The following ADGRL2 variants were observed in gnomAD, a reference collection of about 807,000 sequenced individuals.
ADGRL2 encodes the protein calcium-independent alpha-latrotoxin receptor 2.
Under a neutral mutation model 157.4 loss-of-function variants are expected in ADGRL2, and 44 were observed. That is an observed-to-expected ratio of 0.28 (90% CI 0.22 to 0.36). The LOEUF (loss-of-function observed/expected upper bound fraction) is 0.36, where lower values mean the gene tolerates loss of function less well. Among genes scored for constraint, ADGRL2 ranks in the 10% least tolerant of loss-of-function variants. The probability of loss-of-function intolerance (pLI) is 1.00; values close to 1 mark genes in which losing one functional copy is unlikely to be tolerated. For missense variants in ADGRL2, 1,510 were observed against 1,768.9 expected, an observed-to-expected ratio of 0.85 and a Z score of 2.63; for synonymous variants, 585 against 624.7, an observed-to-expected ratio of 0.94 and a Z score of 0.95.
chr1:81,796,191 A>C (rs1297731716), upstream of ADGRL2, among the ~76,000 whole-genome samples: 1 of 152,030 alleles, frequency 6.6e-6, no homozygotes, highest in Non-Finnish European at 1.5e-5. Flanking sequence ...GGGTTTCACT[A>C]TCTTGGCCAG....
chr1:81,528,863 C>T (rs2079535351), intron 2 of ADGRL2, among the ~76,000 whole-genome samples: 1 of 151,850 alleles, frequency 6.6e-6, no homozygotes, highest in South Asian at 2.1e-4. Context: ...GAAGGATGGG[C>T]AGGATTTGTA....
intron 2 of ADGRL2, among the ~76,000 whole-genome samples, chr1:81,571,573 C>T (rs550217301): frequency 7.3e-5 from 11 of 151,306 alleles, no homozygotes; most frequent in South Asian, 2.1e-4. Flanking sequence ...GTTGTTTGTC[C>T]GGCCCATAAA....
In ADGRL2 at chr1:81,374,578, G is replaced by GAAAAAAAAAAACAAA. The variant is rs71242588; in HGVS notation, c.-302+68079_-302+68080insACAAAAAAAAAAAAA. Among the ~76,000 whole-genome samples the GAAAAAAAAAAACAAA allele has an allele frequency of 4.1e-4, 53 of 130,250 alleles. 1 individual carries two copies. The highest frequency in any genetic ancestry group is 6.5e-4 in the Admixed American group (8 of 12,364). 85.4% of individuals were successfully genotyped at this position (130,250 alleles called of 152,430 possible). On this transcript the variant is annotated intron_variant, in intron 1 of 24. Transcript: ENST00000370721. Reference sequence around the variant, plus strand: ...CAGAGTGAGACTCCATCTCAAAAAAGAAAAAAAAAACAAGTTGCCTTGCTA... The same window carrying GAAAAAAAAAAACAAA: ...CAGAGTGAGACTCCATCTCAAAAAAGAAAAAAAAAAACAAAAAAAAAAAAACAAGTTGCCTTGCTA...
intron 2 of ADGRL2, among the ~76,000 whole-genome samples, chr1:81,497,423 ATTATT>A (rs1470507090): frequency 6.6e-6 from 1 of 152,108 alleles, no homozygotes; most frequent in Non-Finnish European, 1.5e-5. Context: ...ATGGACTATA[ATTATT>A]TTATGAGGTT....
intron 2 of ADGRL2, among the ~76,000 whole-genome samples, chr1:81,892,053 A>G (rs1317316666): frequency 6.6e-6 from 1 of 151,764 alleles, no homozygotes; most frequent in African/African-American, 2.4e-5. Context: ...CTATTAGAGT[A>G]GTGCTTTTAG....
intron 2 of ADGRL2, among the ~76,000 whole-genome samples, chr1:81,876,414 A>G (rs542791654): frequency 6.6e-6 from 1 of 152,240 alleles, no homozygotes; most frequent in African/African-American, 2.4e-5. Flanking sequence ...TTAATTTCCT[A>G]TAAACCTCTT....
At chr1:81,537,708 T>C (rs549368480) in intron 2 of ADGRL2, among the ~76,000 whole-genome samples, 6 of 149,634 alleles carry the variant, frequency 4.0e-5, no homozygotes, top group South Asian at 4.2e-4. Context: ...TTTTCTCTCT[T>C]TTTTTTTTTA....
chr1:81,822,589 T>G (rs1557710398), intron 1 of ADGRL2, among the ~76,000 whole-genome samples: 3 of 152,086 alleles, frequency 2.0e-5, no homozygotes, highest in Non-Finnish European at 4.4e-5. Flanking sequence ...CATAGCTCAC[T>G]GCAGCCTCAG....
chr1:81,427,535 G>T, intron 1 of ADGRL2: 1 of 749,100 alleles, frequency 1.3e-6, no homozygotes, highest in South Asian at 1.3e-5. Flanking sequence ...GGCAGTTTTG[G>T]TGGAAGAAGC....
intron 1 of ADGRL2, among the ~76,000 whole-genome samples, chr1:81,360,890 C>T (rs1329190217): frequency 1.3e-5 from 2 of 151,912 alleles, no homozygotes; most frequent in African/African-American, 2.4e-5. Flanking sequence ...ATTCCAAATA[C>T]ATTTTAATGC....
chr1:81,752,584 A>G (rs772922720), intron 1 of ADGRL2, among the ~76,000 whole-genome samples: 11 of 152,152 alleles, frequency 7.2e-5, no homozygotes, highest in African/African-American at 2.7e-4. Context: ...GTGCAGTGGC[A>G]TGATCACGGC....
chr1:81,760,631 T>C (rs1326214947), intron 1 of ADGRL2, among the ~76,000 whole-genome samples: 2 of 151,932 alleles, frequency 1.3e-5, no homozygotes, highest in African/African-American at 2.4e-5. Context: ...TTAAAAAAAG[T>C]ATACTAAAGC....
intron 1 of ADGRL2, among the ~76,000 whole-genome samples, chr1:81,342,645 T>C (rs1239799684): frequency 6.6e-6 from 1 of 152,184 alleles, no homozygotes; most frequent in Non-Finnish European, 1.5e-5. Context: ...TAAATTTCAA[T>C]TTTCCATTAA....
At chr1:81,621,122 T>G (rs1174668718) in intron 3 of ADGRL2, among the ~76,000 whole-genome samples, 3 of 152,182 alleles carry the variant, frequency 2.0e-5, no homozygotes, top group Non-Finnish European at 4.4e-5. Flanking sequence ...GAAGCTGAAG[T>G]GCTTTCCTCT....
At chr1:81,872,823 G>A (rs1035498092) in intron 2 of ADGRL2, among the ~76,000 whole-genome samples, 2 of 152,034 alleles carry the variant, frequency 1.3e-5, no homozygotes, top group Non-Finnish European at 2.9e-5. Context: ...TTGTGATGGT[G>A]TTAATGCCTG....
intron 2 of ADGRL2, among the ~76,000 whole-genome samples, chr1:81,570,019 T>A (rs1248460875): frequency 6.6e-6 from 1 of 152,014 alleles, no homozygotes; most frequent in Non-Finnish European, 1.5e-5. Flanking sequence ...GCTGCTTGAG[T>A]GTCCTCTCAA....
intron 3 of ADGRL2, among the ~76,000 whole-genome samples, chr1:81,582,902 A>G (rs2080945504): frequency 6.6e-6 from 1 of 152,030 alleles, no homozygotes; most frequent in African/African-American, 2.4e-5. Context: ...ATACCTTGGC[A>G]ACCACACAGC....
intron 2 of ADGRL2, among the ~76,000 whole-genome samples, chr1:81,537,768 C>T (rs959872419): frequency 8.0e-5 from 12 of 149,926 alleles, no homozygotes; most frequent in Middle Eastern, 3.6e-3. Flanking sequence ...GTCACCATCT[C>T]GGCTCACTGC....
intron 2 of ADGRL2, among the ~76,000 whole-genome samples, chr1:81,838,386 G>A (rs532477971): frequency 2.6e-5 from 4 of 152,092 alleles, no homozygotes; most frequent in Admixed American, 1.3e-4. Context: ...TACAATCTTT[G>A]GGTTAATATT....
Sources: allele counts gnomAD v4.1 joint callset (sites outside exome capture counted in the v4.1 genomes callset), GRCh38; gene constraint gnomAD v4.1.1; transcripts MANE v1.5; gene names NCBI Gene and HGNC (gene_info 2026-07-23, HGNC 2026-07-21).